DMAP1: variants seen among roughly 807,000 people sequenced by gnomAD.
DMAP1 encodes DNA methyltransferase 1 associated protein 1.
Under a neutral mutation model 52.7 loss-of-function variants are expected in DMAP1, and 26 were observed. The observed-to-expected ratio is 0.49, with a 90% confidence interval of 0.36 to 0.68. The LOEUF (loss-of-function observed/expected upper bound fraction) is 0.68. DMAP1 is among the 30% of genes least tolerant of loss of function. DMAP1 has a pLI of 0.00. For missense variants in DMAP1, 439 were observed against 625.2 expected, an observed-to-expected ratio of 0.70 and a Z score of 3.18; for synonymous variants, 231 against 246.0, an observed-to-expected ratio of 0.94 and a Z score of 0.57.
Position 44,220,048 on chromosome 1 carries a change from G to A in DMAP1, c.1083G>A (p.Val361=), listed in dbSNP as rs569718563. ...GCCCGACACCTACGGAGGAGCTGGT[G>A]CACATGTTCAATGAGCTGCGAAGCG... ...ELSPTPTEEL[V]HMFNELRSDL... Residue 361 remains valine (V), a synonymous_variant, in exon 9 of 10, where the codon GTG becomes GTA. Transcript: ENST00000372289. 20 of 1,603,396 alleles carry A rather than the reference G, an allele frequency of 1.2e-5. No individual in the cohort carries two copies. Among genetic ancestry groups the A allele is most frequent in the East Asian group, 6.7e-5 (3 of 44,578 alleles).
Position 44,220,075 on chromosome 1 carries a change from C to A in DMAP1, c.1110C>A (p.Asp370Glu), listed in dbSNP as rs189650822. ...LVHMFNELRS[D>E]LVLLYELKQA... ...ACATGTTCAATGAGCTGCGAAGCGACCTGGTGCTGCTCTACGAGCTCAAGC... is the reference window on the plus strand; with the variant it reads ...ACATGTTCAATGAGCTGCGAAGCGAACTGGTGCTGCTCTACGAGCTCAAGC... Residue 370 changes from aspartate to glutamate, a missense_variant, in exon 9 of 10, where the codon GAC (aspartate) becomes GAA (glutamate). Coordinates refer to ENST00000372289, the MANE Select transcript of DMAP1 (RefSeq NM_019100.5). 6.2e-7 allele frequency: 1 copy of A among 1,609,302 alleles called. No homozygotes were observed. The highest frequency in any genetic ancestry group is 8.5e-7 in the Non-Finnish European group (1 of 1,176,776).
chr1:44,215,093 C>G (rs1643760991), intron 3 of DMAP1, 195 bp downstream of exon 3: 1 of 713,694 alleles, frequency 1.4e-6, no homozygotes, highest in Non-Finnish European at 2.5e-6. Flanking sequence ...CCTGTTCTTT[C>G]CCGGACCTGC....
At chr1:44,219,718 T>TTCC in intron 7 of DMAP1, 88 bp from the exon 8 acceptor site, 1 of 1,504,408 alleles carries the variant, frequency 6.6e-7, no homozygotes, top group South Asian at 1.2e-5. Flanking sequence ...ACCGTCTCTC[T>TTCC]TCCACCATCT....
At chr1:44,219,525 TG>T in intron 7 of DMAP1, 48 bp downstream of exon 7, 1 of 1,506,790 alleles carries the variant, frequency 6.6e-7, no homozygotes, top group Non-Finnish European at 8.9e-7. Flanking sequence ...GGCTCTGCTC[TG>T]GGCTCCATGT....
chr1:44,219,184 C>G lies in DMAP1; in HGVS notation c.849C>G (p.Arg283=). ...CAGACACCACTGCAGAGCAGCGGCG[C>G]ACGGAACGCAAGGCCCCCAAAAAGA... ...TAADTTAEQR[R]TERKAPKKKL... Residue 283 remains arginine, a synonymous_variant, in exon 6 of 10, where the codon CGC becomes CGG. Transcript: ENST00000372289. 6.2e-7 allele frequency: 1 copy of G among 1,614,138 alleles called. No homozygotes were observed. Among genetic ancestry groups the G allele is most frequent in the Non-Finnish European group, 8.5e-7 (1 of 1,180,026 alleles).
intron 9 of DMAP1, 91 bp from the exon 10 acceptor site, chr1:44,220,468 G>A (rs41264674): frequency 0.036 from 58,458 of 1,607,594 alleles, 1,130 homozygotes; most frequent in Middle Eastern, 0.043. Context: ...ACCAGTGGGC[G>A]TCCTTGTCCC....
chr1:44,215,198 A>G (rs1643764874), intron 3 of DMAP1: 1 of 532,042 alleles, frequency 1.9e-6, no homozygotes, highest in Non-Finnish European at 3.6e-6. Flanking sequence ...CTACTTTCTT[A>G]GTATGAACCC....
Position 44,218,924 on chromosome 1 carries a change from A to C in DMAP1, c.721-132A>C. 1.4e-6 allele frequency: 2 copies of C among 1,419,462 alleles called. No individual in the cohort carries two copies. The highest frequency in any genetic ancestry group is 1.4e-5 in the South Asian group (1 of 73,986). 87.9% of individuals were successfully genotyped at this position (1,419,462 alleles called of 1,614,324 possible). On this transcript the variant is annotated intron_variant, in intron 5 of 9. Coordinates refer to ENST00000372289, the MANE Select transcript of DMAP1 (RefSeq NM_019100.5). This position sits in a 1 kb window ranked among gnomAD's most constrained non-coding sequence, Gnocchi z 5.6. ...TCATGGGCCATCCCCCCTGCTTTTC[A>C]TAGCCCTTCACCTCCCTCATGATCC... is the stretch of plus-strand genomic sequence containing the variant.
intron 3 of DMAP1, chr1:44,215,941 T>G (rs1643783748): frequency 6.5e-6 from 1 of 152,706 alleles, no homozygotes; most frequent in Non-Finnish European, 1.5e-5. Flanking sequence ...AGCCTAGACT[T>G]AGATCCTAAA....
Position 44,213,745 on chromosome 1 carries a change from TCAGGCGCGATGGCTA to T in DMAP1, c.-7_8del. 6.4e-7 allele frequency: 1 copy of T among 1,568,930 alleles called. No homozygotes were observed. Among genetic ancestry groups the T allele is most frequent in the Non-Finnish European group, 8.6e-7 (1 of 1,157,368 alleles). ...TGACCTCCGGTGGCTCCCCCATCTC[TCAGGCGCGATGGCTA>T]CGGGCGCGGATGTACGGGACATTCT... On this transcript the variant is annotated start_lost and 5_prime_UTR_variant, in exon 1 of 10. Transcript: ENST00000372289. This position sits in a 1 kb window ranked among gnomAD's most constrained non-coding sequence, Gnocchi z 4.5.
chr1:44,220,154 G>C lies in DMAP1; in HGVS notation c.1189G>C (p.Ala397Pro), dbSNP rs1361797833. 6.2e-7 allele frequency: 1 copy of C among 1,612,254 alleles called. No homozygotes were observed. Among genetic ancestry groups the C allele is most frequent in the South Asian group, 1.1e-5 (1 of 90,934 alleles). Reference sequence around the variant, plus strand: ...GCAGATGCTGCGGCACCGTCATGAGGCACTGGCCCGGGCTGGTGTGCTAGG... The same window carrying C: ...GCAGATGCTGCGGCACCGTCATGAGCCACTGGCCCGGGCTGGTGTGCTAGG... ...ELQMLRHRHE[A>P]LARAGVLGGP... is the part of the protein sequence containing the mutation. Residue 397 changes from alanine (A) to proline (P), a missense_variant, in exon 9 of 10, where the codon GCA (alanine) becomes CCA (proline). Around this residue, in one of 3 missense-constraint regions of DMAP1, gnomAD observed 179 missense variants for 285.9 expected, o/e 0.63. Coordinates refer to ENST00000372289, the MANE Select transcript of DMAP1 (RefSeq NM_019100.5).
Position 44,219,124 on chromosome 1 carries a change from A to G in DMAP1, c.789A>G (p.Lys263=). The G allele has an allele frequency of 6.2e-7, 1 of 1,614,162 alleles. No homozygotes were observed. The highest frequency in any genetic ancestry group is 8.5e-7 in the Non-Finnish European group (1 of 1,180,032). The change falls in exon 6 of 10, where the codon AAA becomes AAG. Residue 263 remains lysine (K), a synonymous_variant. Transcript: ENST00000372289. The part of the protein sequence containing the change: ...KIEARKKERE[K]RSQDLQKLIT... ...AGGCCCGGAAGAAGGAGCGGGAGAA[A>G]CGCAGCCAGGACCTGCAGAAGCTGA...
chr1:44,219,768 T>C (rs1643871210), intron 7 of DMAP1, 38 bp from the exon 8 acceptor site: 1 of 1,610,868 alleles, frequency 6.2e-7, no homozygotes, highest in Non-Finnish European at 8.5e-7. Flanking sequence ...AAGCCTCTTG[T>C]GGCTGGGACA....
chr1:44,219,718 T>C, intron 7 of DMAP1, 88 bp from the exon 8 acceptor site: 1 of 1,504,408 alleles, frequency 6.6e-7, no homozygotes, highest in Non-Finnish European at 9.1e-7. Flanking sequence ...ACCGTCTCTC[T>C]TCCACCATCT....
chr1:44,218,790 C>G lies in DMAP1; in HGVS notation c.720+35C>G. The G allele has an allele frequency of 4.5e-6, 7 of 1,566,494 alleles. No individual in the cohort carries two copies. Among genetic ancestry groups the G allele is most frequent in the Non-Finnish European group, 6.1e-6 (7 of 1,152,500 alleles). On this transcript the variant is annotated intron_variant, in intron 5 of 9. Coordinates refer to ENST00000372289, the MANE Select transcript of DMAP1 (RefSeq NM_019100.5). This position sits in a 1 kb window ranked among gnomAD's most constrained non-coding sequence, Gnocchi z 5.6. The stretch of plus-strand genomic sequence containing the variant: ...AGGCCACATACCTGTCCTCCATGCC[C>G]CAAACCCCTTGCTCATTGTCTCCAT...
intron 3 of DMAP1, chr1:44,215,615 T>C (rs1643776447): frequency 3.3e-6 from 1 of 305,502 alleles, no homozygotes; most frequent in Non-Finnish European, 6.5e-6. Flanking sequence ...AAGAGTGAAC[T>C]TGTAGGTGTA....
rs763416606 is a variant in DMAP1 at position 44,219,223 on chromosome 1, A to G, written c.888A>G (p.Lys296=). Residue 296 remains lysine, a synonymous_variant, in exon 6 of 10, where the codon AAA becomes AAG. Coordinates refer to ENST00000372289, the MANE Select transcript of DMAP1 (RefSeq NM_019100.5). ...RKAPKKKLPQ[K]KEAEKPAVPE... Reference sequence around the variant, plus strand: ...CCCCCAAAAAGAAGCTACCCCAGAAAAAGGAGGCTGAGAAGCCGGTGCGGA... The same window carrying G: ...CCCCCAAAAAGAAGCTACCCCAGAAGAAGGAGGCTGAGAAGCCGGTGCGGA... 9.3e-6 allele frequency: 15 copies of G among 1,613,250 alleles called. No individual in the cohort carries two copies. In the African/African-American group the frequency reaches 1.2e-4, roughly 13 times the overall value.
In DMAP1 at chr1:44,220,569, G is replaced by A. The variant is rs748014489; in HGVS notation, c.1355G>A (p.Arg452Gln). Reference protein sequence around the residue: ...APLTPNSRKRRESASSSSSVK... With the variant: ...APLTPNSRKRQESASSSSSVK... ...TCTGTGTATCCTCAGAGAAAGCGAC[G>A]GGAGTCGGCCTCCAGCTCATCTTCC... is the stretch of plus-strand genomic sequence containing the variant. Residue 452 changes from arginine (R) to glutamine (Q), a missense_variant, in exon 10 of 10, where the codon CGG (arginine) becomes CAG (glutamine). Transcript: ENST00000372289. 1.2e-5 allele frequency: 19 copies of A among 1,614,110 alleles called. No homozygotes were observed. Among genetic ancestry groups the A allele is most frequent in the South Asian group, 6.6e-5 (6 of 91,090 alleles).
Position 44,219,437 on chromosome 1 carries a change from C to A in DMAP1, c.938C>A (p.Pro313Gln), listed in dbSNP as rs756249698. The change falls in exon 7 of 10, where the codon CCA (proline) becomes CAA (glutamine). Residue 313 changes from proline to glutamine, a missense_variant. By Grantham distance (76) the Pro-to-Gln change is moderately conservative. This residue lies in a region of DMAP1 where 179 missense variants were observed against 285.9 expected (regional missense o/e 0.63). Coordinates refer to ENST00000372289, the MANE Select transcript of DMAP1 (RefSeq NM_019100.5). The stretch of plus-strand genomic sequence containing the variant: ...CCTGAGACTGCAGGCATCAAGTTTC[C>A]AGACTTCAAGTCTGCAGGTGTCACG... Reference protein sequence around the residue: ...AVPETAGIKFPDFKSAGVTLR... With the variant: ...AVPETAGIKFQDFKSAGVTLR... 1.3e-6 allele frequency: 2 copies of A among 1,593,218 alleles called. No individual in the cohort carries two copies. The highest frequency in any genetic ancestry group is 2.3e-5 in the South Asian group (2 of 87,444).
Sources: allele counts gnomAD v4.1 joint callset, GRCh38; gene constraint gnomAD v4.1.1; regional missense constraint gnomAD v4.1.1; non-coding constraint Gnocchi (gnomAD v3.1); transcripts MANE v1.5; gene names NCBI Gene and HGNC (gene_info 2026-07-23, HGNC 2026-07-21).